Variants in GLYR1 observed in about 807,000 individuals in gnomAD.
GLYR1 encodes cytokine-like nuclear factor N-PAC.
In GLYR1, 21 loss-of-function variants were observed where a neutral mutation model predicts 72.7. That is an observed-to-expected ratio of 0.29 (90% CI 0.20 to 0.42). The LOEUF (loss-of-function observed/expected upper bound fraction) is 0.42. GLYR1 is among the 10% of genes least tolerant of loss of function. The pLI is 1.00. For synonymous variants in GLYR1, 392 were observed against 270.2 expected (o/e 1.45, Z -4.42); for missense variants, 594 against 712.1 (o/e 0.83, Z 1.89).
intron 10 of GLYR1, 39 bp downstream of exon 10, chr16:4,817,559 A>G (rs991268818): frequency 3.2e-6 from 4 of 1,249,742 alleles, no homozygotes; most frequent in Admixed American, 1.7e-5. Flanking sequence ...GTTACCCCAG[A>G]CTCCACCGAT....
intron 12 of GLYR1, 124 bp from the exon 13 acceptor site, chr16:4,812,372 AC>A: frequency 9.7e-7 from 1 of 1,027,260 alleles, no homozygotes; most frequent in Non-Finnish European, 1.4e-6. Context: ...GGGGACGGCC[AC>A]CCATACCAAG....
In GLYR1 at chr16:4,812,147, CCT is replaced by C. The variant is rs777418605; in HGVS notation, c.1219_1220del (p.Arg407GlyfsTer4). On this transcript the variant is annotated frameshift_variant, in exon 13 of 16. Transcript: ENST00000321919. LOFTEE classifies it high-confidence loss of function. ...AGCTGCTGCAGTCCTCATATAAGCC[CCT>C]GTCTCCAGCCGCTAAGATCACCAAC... ...GMLVILAAGD[R>X]GLYEDCSSCF... 9 of 1,614,054 alleles carry C rather than the reference CCT, an allele frequency of 5.6e-6. No individual in the cohort carries two copies. The highest frequency in any genetic ancestry group is 2.2e-5 in the East Asian group (1 of 44,898).
intron 3 of GLYR1, among the ~76,000 whole-genome samples, chr16:4,836,489 G>T (rs2085139762): frequency 6.6e-6 from 1 of 152,212 alleles, no homozygotes; most frequent in South Asian, 2.1e-4. Flanking sequence ...TTTAAAGTAG[G>T]AGACTTTGCT....
chr16:4,816,518 C>T (rs181524898), intron 10 of GLYR1, among the ~76,000 whole-genome samples: 1 of 151,860 alleles, frequency 6.6e-6, no homozygotes, highest in Non-Finnish European at 1.5e-5. Context: ...AACATATTAC[C>T]CTTCTTACGT....
chr16:4,828,077 T>C (rs910360159), intron 5 of GLYR1, among the ~76,000 whole-genome samples: 1 of 151,760 alleles, frequency 6.6e-6, no homozygotes, highest in African/African-American at 2.4e-5. Context: ...TGTATATATA[T>C]ATATTTTTTT....
At chr16:4,810,632 G>T (rs1195498296) in intron 15 of GLYR1, among the ~76,000 whole-genome samples, 1 of 149,046 alleles carries the variant, frequency 6.7e-6, no homozygotes, top group Non-Finnish European at 1.5e-5. Context: ...GGGAGGCCGA[G>T]GCGGGCAGAT....
intron 8 of GLYR1, 27 bp downstream of exon 8, chr16:4,821,520 A>C: frequency 6.2e-7 from 1 of 1,613,998 alleles, no homozygotes; most frequent in Non-Finnish European, 8.5e-7. Flanking sequence ...GTGAAAATTA[A>C]AATGGGGAGG....
rs1334963873 is a variant in GLYR1 at position 4,803,831 on chromosome 16, C to G, written c.*1405G>C. Reference sequence around the variant, plus strand: ...TATTGCATCGTAAATGCTGGCCTTCCTTCTGCAAATTATGATTTTGGAAAA... The same window carrying G: ...TATTGCATCGTAAATGCTGGCCTTCGTTCTGCAAATTATGATTTTGGAAAA... On this transcript the variant is annotated 3_prime_UTR_variant, in exon 16 of 16. Transcript: ENST00000321919. 1.3e-5 allele frequency: 2 copies of G among 152,256 alleles called. No individual in the cohort carries two copies. Among genetic ancestry groups the G allele is most frequent in the African/African-American group, 4.8e-5 (2 of 41,434 alleles). 9.4% of individuals were successfully genotyped at this position (152,256 alleles called of 1,614,324 possible). A position where few individuals can be genotyped will look rare whatever the true frequency, so the allele number is the denominator to read the frequency against.
intron 15 of GLYR1, among the ~76,000 whole-genome samples, chr16:4,809,864 C>T (rs2083225821): frequency 6.6e-6 from 1 of 151,588 alleles, no homozygotes; most frequent in Admixed American, 6.6e-5. Flanking sequence ...GCAGAGGTTG[C>T]GGTGAGCCGA....
chr16:4,808,763 G>C (rs1161538858), intron 15 of GLYR1, among the ~76,000 whole-genome samples: 1 of 151,374 alleles, frequency 6.6e-6, no homozygotes, highest in Non-Finnish European at 1.5e-5. Context: ...ATTCTATGAA[G>C]ATGAGCTAAG....
At chr16:4,806,578 G>A (rs1434221928) in intron 15 of GLYR1, among the ~76,000 whole-genome samples, 2 of 151,416 alleles carry the variant, frequency 1.3e-5, no homozygotes, top group Non-Finnish European at 2.9e-5. Context: ...ATGTTGCCCA[G>A]GCTGGTCTCA....
chr16:4,812,821 G>C (rs1051401477), intron 12 of GLYR1, among the ~76,000 whole-genome samples: 1 of 146,816 alleles, frequency 6.8e-6, no homozygotes, highest in African/African-American at 2.5e-5. Context: ...TTTTGAGACA[G>C]AGTCTTGCTC....
chr16:4,815,390 T>C (rs1182462893), intron 10 of GLYR1, among the ~76,000 whole-genome samples: 1 of 152,214 alleles, frequency 6.6e-6, no homozygotes, highest in African/African-American at 2.4e-5. Context: ...TTGTCTTTCA[T>C]AATTCTGGCA....
chr16:4,819,705 A>G (rs910627841), intron 9 of GLYR1, among the ~76,000 whole-genome samples: 14 of 152,240 alleles, frequency 9.2e-5, no homozygotes, highest in African/African-American at 3.4e-4. Context: ...GGTCTTCTGG[A>G]ACCATCTCTA....
At chr16:4,819,272 C>T (rs552595034) in intron 9 of GLYR1, among the ~76,000 whole-genome samples, 1 of 152,248 alleles carries the variant, frequency 6.6e-6, no homozygotes, top group East Asian at 1.9e-4. Context: ...CTCAGCCTCC[C>T]AAAGTGTTAG....
chr16:4,830,024 G>A (rs764566976), intron 5 of GLYR1, among the ~76,000 whole-genome samples: 2 of 151,934 alleles, frequency 1.3e-5, no homozygotes, highest in South Asian at 2.1e-4. Context: ...GGCTGGTCTA[G>A]AACTCCTGGG....
At chr16:4,846,319 T>C in intron 1 of GLYR1, 109 bp from the exon 2 acceptor site, 4 of 1,254,378 alleles carry the variant, frequency 3.2e-6, no homozygotes, top group Non-Finnish European at 4.7e-6. Context: ...CATCCTCAAA[T>C]GCCGAAACAA....
chr16:4,817,929 CT>C, intron 9 of GLYR1: 1 of 497,012 alleles, frequency 2.0e-6, no homozygotes, highest in Non-Finnish European at 3.6e-6. Flanking sequence ...TTTGAAACCC[CT>C]GACTGTCACA....
intron 9 of GLYR1, among the ~76,000 whole-genome samples, chr16:4,819,368 G>C (rs748519600): frequency 3.3e-5 from 5 of 151,684 alleles, no homozygotes; most frequent in Non-Finnish European, 7.4e-5. Context: ...AGTGCAGGGG[G>C]GTGATCATAG....
Sources: gnomAD v4.1 joint callset for allele counts (sites outside exome capture counted in the v4.1 genomes callset) on GRCh38, gnomAD v4.1.1 for gene constraint, MANE v1.5 for transcripts, NCBI Gene and HGNC (gene_info 2026-07-23, HGNC 2026-07-21) for gene names.